The following UVRAG variants were observed in gnomAD, a reference collection of about 807,000 sequenced individuals.
The protein encoded by UVRAG is UV radiation resistance associated.
In UVRAG, 19 loss-of-function variants were observed where a neutral mutation model predicts 78.0. The observed-to-expected ratio is 0.24, with a 90% CI of 0.17 to 0.36. The LOEUF (loss-of-function observed/expected upper bound fraction) is 0.36, where lower values mean the gene tolerates loss of function less well. Ranked by LOEUF, UVRAG falls within the 10% of genes least tolerant of loss-of-function variation. The probability of loss-of-function intolerance (pLI) is 1.00; values close to 1 mark genes in which losing one functional copy is unlikely to be tolerated. For synonymous variants in UVRAG, 323 were observed against 324.6 expected, an observed-to-expected ratio of 1.00 and a Z score of 0.05; for missense variants, 740 against 853.8, an observed-to-expected ratio of 0.87 and a Z score of 1.66.
intron 12 of UVRAG, among the ~76,000 whole-genome samples, chr11:76,018,532 C>T (rs1007628470): frequency 6.6e-6 from 1 of 152,054 alleles, no homozygotes; most frequent in African/African-American, 2.4e-5. Context: ...CCTCAGCCTC[C>T]CGAGTAGCTG....
chr11:75,908,156 T>TATGA (rs1021353688), intron 5 of UVRAG, among the ~76,000 whole-genome samples: 156 of 152,274 alleles, frequency 1.0e-3, no homozygotes, highest in African/African-American at 3.5e-3. Context: ...AGGTACCTCA[T>TATGA]ATGAATGAAT....
intron 3 of UVRAG, among the ~76,000 whole-genome samples, chr11:75,863,708 A>G (rs1946473660): frequency 6.6e-6 from 1 of 152,200 alleles, no homozygotes; most frequent in East Asian, 1.9e-4. Flanking sequence ...CTTAGGTGGA[A>G]TATTGTCTCC....
intron 7 of UVRAG, among the ~76,000 whole-genome samples, chr11:75,980,479 C>A (rs987467229): frequency 1.4e-4 from 21 of 152,120 alleles, no homozygotes; most frequent in African/African-American, 5.1e-4. Flanking sequence ...GCTTTATTAT[C>A]TCTTTTTCCT....
rs751284037 is a variant in UVRAG at position 76,016,807 on chromosome 11, A to T, written c.1061-8A>T. 1.3e-6 allele frequency: 2 copies of T among 1,582,018 alleles called. No individual in the cohort carries two copies. The highest frequency in any genetic ancestry group is 2.4e-5 in the South Asian group (2 of 82,740). On this transcript the variant is annotated splice_polypyrimidine_tract_variant and splice_region_variant and intron_variant, in intron 11 of 14. Transcript: ENST00000356136. ...TTATTTTCTTTTCCTCTGCTTTTGA[A>T]TTTACAGCAAAAGATGATGGAAGCA...
intron 14 of UVRAG, among the ~76,000 whole-genome samples, chr11:76,124,408 C>T (rs1310844428): frequency 1.3e-5 from 2 of 152,182 alleles, no homozygotes; most frequent in East Asian, 1.9e-4. Context: ...AGGAATATTC[C>T]TATACATTGT....
chr11:75,815,808 G>T (rs1055746232), intron 1 of UVRAG, among the ~76,000 whole-genome samples: 1 of 152,124 alleles, frequency 6.6e-6, no homozygotes, highest in Admixed American at 6.5e-5. Context: ...GCCCGAGGCC[G>T]CCTCCCCCAA....
At chr11:76,096,706 T>G (rs982046801) in intron 13 of UVRAG, among the ~76,000 whole-genome samples, 4 of 152,200 alleles carry the variant, frequency 2.6e-5, no homozygotes, top group African/African-American at 7.2e-5. Context: ...ACCAGGCCTC[T>G]TGCTGTCATC....
At chr11:76,056,995 A>G (rs985594353) in intron 12 of UVRAG, among the ~76,000 whole-genome samples, 1 of 152,222 alleles carries the variant, frequency 6.6e-6, no homozygotes, top group Non-Finnish European at 1.5e-5. Context: ...AGCAAGTTCA[A>G]AAGTCCCAAA....
At chr11:75,842,006 C>G (rs542259642) in intron 1 of UVRAG, among the ~76,000 whole-genome samples, 5 of 152,210 alleles carry the variant, frequency 3.3e-5, no homozygotes, top group African/African-American at 1.2e-4. Context: ...TGGTCACTTA[C>G]ATGTCTGGCT....
At chr11:75,846,744 CTGTT>C (rs1448397907) in intron 1 of UVRAG, among the ~76,000 whole-genome samples, 10 of 152,092 alleles carry the variant, frequency 6.6e-5, no homozygotes, top group African/African-American at 1.9e-4. Context: ...CTGTTCTCGT[CTGTT>C]TGTCTCTTCT....
At chr11:75,999,897 A>C (rs906721165) in intron 8 of UVRAG, among the ~76,000 whole-genome samples, 3 of 151,994 alleles carry the variant, frequency 2.0e-5, no homozygotes, top group Admixed American at 2.0e-4. Flanking sequence ...CCAAAATCTG[A>C]AAAAAAATTA....
At chr11:75,925,687 G>A (rs960270151) in intron 6 of UVRAG, among the ~76,000 whole-genome samples, 1 of 152,106 alleles carries the variant, frequency 6.6e-6, no homozygotes, top group Non-Finnish European at 1.5e-5. Flanking sequence ...CTACACAGGG[G>A]GTGGAGAAGG....
rs567463151 is a variant in UVRAG, at chr11:75,973,238, T to G, written c.700-10149T>G. Among the ~76,000 whole-genome samples the G allele has an allele frequency of 9.8e-5, 15 of 152,334 alleles. No homozygotes were observed. The South Asian group carries it at 2.5e-3, about 25-fold the overall frequency. The stretch of plus-strand genomic sequence containing the variant: ...TCTTTTCCTAGTTAGCTGAAAGTTT[T>G]TATCATGAATCGTAGTTGGATTTTG... On this transcript the variant is annotated intron_variant, in intron 7 of 14. Coordinates refer to ENST00000356136, the MANE Select transcript of UVRAG (RefSeq NM_003369.4).
intron 13 of UVRAG, among the ~76,000 whole-genome samples, chr11:76,071,620 A>G (rs1951310988): frequency 1.3e-5 from 2 of 152,138 alleles, no homozygotes; most frequent in South Asian, 4.1e-4. Context: ...AGCTACTTTA[A>G]TGGATTGCAG....
At chr11:75,933,254 GAGA>G (rs1466124461) in intron 6 of UVRAG, among the ~76,000 whole-genome samples, 1 of 152,118 alleles carries the variant, frequency 6.6e-6, no homozygotes, top group Non-Finnish European at 1.5e-5. Context: ...ACATACATTG[GAGA>G]AAGATCAGTC....
intron 6 of UVRAG, among the ~76,000 whole-genome samples, chr11:75,933,052 C>A (rs1948277834): frequency 6.6e-6 from 1 of 152,164 alleles, no homozygotes; most frequent in African/African-American, 2.4e-5. Context: ...ATAGCCAAAG[C>A]TATCCTGAGC....
At position 75,965,304 on chromosome 11, in the gene UVRAG, T is replaced by TTTTATTTATTTA. The variant is rs112528205; in HGVS notation, c.699+3764_699+3775dup. 1.6e-3 allele frequency among the ~76,000 whole-genome samples: 237 copies of TTTTATTTATTTA among 145,954 alleles called. 1 individual carries two copies. Among genetic ancestry groups the TTTTATTTATTTA allele is most frequent in the African/African-American group, 6.1e-3 (219 of 35,726 alleles). On this transcript the variant is annotated intron_variant, in intron 7 of 14. Coordinates refer to ENST00000356136, the MANE Select transcript of UVRAG (RefSeq NM_003369.4). ...TTTCACTGTAGAGATTTTGGACATC[T>TTTTATTTATTTA]TTTATTTATTTATTTATTTAATTTT...
chr11:76,124,701 G>T (rs1952353847), intron 14 of UVRAG, among the ~76,000 whole-genome samples: 1 of 152,174 alleles, frequency 6.6e-6, no homozygotes, highest in Non-Finnish European at 1.5e-5. Context: ...TTTATGTGAG[G>T]CCATCCCATT....
At chr11:75,888,951 C>A in intron 5 of UVRAG, 48 bp downstream of exon 5, 1 of 1,491,968 alleles carries the variant, frequency 6.7e-7, no homozygotes, top group Non-Finnish European at 9.3e-7. Context: ...TGCAGGTGTG[C>A]CTTGCAGGTG....
Sources: gnomAD v4.1 joint callset for allele counts (sites outside exome capture counted in the v4.1 genomes callset) on GRCh38, gnomAD v4.1.1 for gene constraint, MANE v1.5 for transcripts, NCBI Gene and HGNC (gene_info 2026-07-23, HGNC 2026-07-21) for gene names.